The following DMD variants were observed in gnomAD, a reference collection of about 807,000 sequenced individuals.
The protein encoded by DMD is dystrophin.
DMD carries 63 observed loss-of-function variants against 330.1 expected under a neutral mutation model. The ratio of observed to expected loss-of-function variants is 0.19; its 90% CI spans 0.16 to 0.24. DMD has a LOEUF of 0.24. Ranked by LOEUF, DMD falls within the 10% of genes least tolerant of loss-of-function variation. DMD has a pLI of 1.00. For synonymous variants in DMD, 1,223 were observed against 959.8 expected (o/e 1.27, Z -5.07); for missense variants, 3,344 against 2,684.1 (o/e 1.25, Z -5.43).
At chrX:32,856,813 C>T (rs981143255) in intron 2 of DMD, among the ~76,000 whole-genome samples, 5 of 111,782 alleles carry the variant, frequency 4.5e-5, no homozygotes, top group South Asian at 3.8e-4. Context: ...CGGTGGCTCA[C>T]GCCTGTAATC....
At chrX:31,331,554 A>G (rs1307385105) in intron 61 of DMD, among the ~76,000 whole-genome samples, 1 of 112,212 alleles carries the variant, frequency 8.9e-6, no homozygotes, top group Admixed American at 9.5e-5. Flanking sequence ...ATATAGGAAG[A>G]TAGATACCTA....
chrX:32,404,925 A>C (rs2098108995), intron 30 of DMD, among the ~76,000 whole-genome samples: 1 of 111,658 alleles, frequency 9.0e-6, no homozygotes, highest in South Asian at 3.7e-4. Context: ...GATAGCTCTC[A>C]GCTATATTTT....
At chrX:31,940,136 C>A (rs1420374685) in intron 45 of DMD, among the ~76,000 whole-genome samples, 1 of 111,010 alleles carries the variant, frequency 9.0e-6, no homozygotes, top group South Asian at 3.8e-4. Context: ...GATTGTGATA[C>A]AGTAAGTGTT....
At chrX:32,009,079 C>A (rs145192482) in intron 44 of DMD, among the ~76,000 whole-genome samples, 1 of 111,002 alleles carries the variant, frequency 9.0e-6, no homozygotes, top group East Asian at 2.8e-4. Context: ...GGGAAGGAAG[C>A]TAATCCTATA....
At chrX:32,679,988 C>A (rs2062278943) in intron 9 of DMD, among the ~76,000 whole-genome samples, 1 of 90,816 alleles carries the variant, frequency 1.1e-5, no homozygotes, top group East Asian at 3.8e-4. Context: ...GATCTCGGCT[C>A]ACTGCAACCT....
chrX:32,446,102 T>C (rs1360515199), intron 27 of DMD, among the ~76,000 whole-genome samples: 9 of 110,715 alleles, frequency 8.1e-5, no homozygotes, highest in African/African-American at 2.9e-4. Flanking sequence ...AAGAAAGTTT[T>C]CCCTTAGGAA....
At chrX:32,099,170 C>T (rs1358672032) in intron 44 of DMD, among the ~76,000 whole-genome samples, 1 of 111,706 alleles carries the variant, frequency 9.0e-6, no homozygotes, top group Admixed American at 9.5e-5. Context: ...TGTTTCCTGA[C>T]TTTTTAATGA....
At chrX:32,717,738 T>C (rs866980684) in intron 7 of DMD, among the ~76,000 whole-genome samples, 21 of 111,042 alleles carry the variant, frequency 1.9e-4, no homozygotes, top group South Asian at 7.7e-4. Context: ...TGCCAGCCCA[T>C]GAAAACAACT....
chrX:31,943,755 T>C (rs1279695963), intron 45 of DMD, among the ~76,000 whole-genome samples: 1 of 110,927 alleles, frequency 9.0e-6, no homozygotes, highest in Admixed American at 9.7e-5. Flanking sequence ...TATTTTGAAT[T>C]CCTCGTGGTA....
At chrX:33,043,550 C>G (rs1442027637) in intron 1 of DMD, among the ~76,000 whole-genome samples, 1 of 111,118 alleles carries the variant, frequency 9.0e-6, no homozygotes, top group East Asian at 2.8e-4. Context: ...AAAACACACA[C>G]ACATATGCAT....
chrX:32,803,350 TTC>T (rs1347114283), intron 7 of DMD, among the ~76,000 whole-genome samples: 3 of 111,500 alleles, frequency 2.7e-5, no homozygotes, highest in Non-Finnish European at 3.8e-5. Context: ...TATTTGATTC[TTC>T]TCTCTTTTCT....
intron 1 of DMD, among the ~76,000 whole-genome samples, chrX:33,048,219 C>T (rs1169773297): frequency 1.8e-5 from 2 of 111,511 alleles, no homozygotes; most frequent in Non-Finnish European, 3.8e-5. Flanking sequence ...TTCAGGCAAA[C>T]GGAAACTGCA....
At chrX:31,650,543 T>C (rs1474965024) in intron 54 of DMD, among the ~76,000 whole-genome samples, 1 of 111,496 alleles carries the variant, frequency 9.0e-6, no homozygotes, top group Non-Finnish European at 1.9e-5. Context: ...CTGAGGATCA[T>C]AAAACAGTCC....
intron 54 of DMD, among the ~76,000 whole-genome samples, chrX:31,628,630 C>G (rs1190759908): frequency 1.8e-5 from 2 of 110,457 alleles, no homozygotes; most frequent in Non-Finnish European, 3.8e-5. Context: ...AAAAACTAGG[C>G]AGATCTGAGT....
intron 17 of DMD, among the ~76,000 whole-genome samples, chrX:32,531,947 G>A (rs1306790957): frequency 9.1e-6 from 1 of 110,459 alleles, no homozygotes; most frequent in Non-Finnish European, 1.9e-5. Context: ...TACCCTAATG[G>A]CAATATAAAA....
At chrX:32,584,081 T>A (rs188740336) in intron 13 of DMD, among the ~76,000 whole-genome samples, 2 of 111,151 alleles carry the variant, frequency 1.8e-5, no homozygotes, top group East Asian at 2.8e-4. Context: ...ATATATATAT[T>A]TTAAACTAAA....
rs143746040 is a variant in DMD, at chrX:32,250,340, A to G, written c.6291-33277T>C. On this transcript the variant is annotated intron_variant, in intron 43 of 78. Transcript: ENST00000357033. ...TTCACTTAATGTCGACTTTGGAAACACATAATAAAAATGGTAAATGTGGAT... is the reference window on the plus strand; with the variant it reads ...TTCACTTAATGTCGACTTTGGAAACGCATAATAAAAATGGTAAATGTGGAT... Among the ~76,000 whole-genome samples the G allele has an allele frequency of 9.5e-3, 1,063 of 111,985 alleles. 15 individuals carry two copies. The highest frequency in any genetic ancestry group is 0.033 in the African/African-American group (1,010 of 30,849).
At chrX:31,763,809 C>T (rs2089801439) in intron 51 of DMD, among the ~76,000 whole-genome samples, 2 of 111,776 alleles carry the variant, frequency 1.8e-5, no homozygotes, top group African/African-American at 6.5e-5. Flanking sequence ...ATGGTCCTCA[C>T]CTACAAAGTT....
intron 7 of DMD, among the ~76,000 whole-genome samples, chrX:32,777,766 G>A (rs943247687): frequency 8.9e-6 from 1 of 112,219 alleles, no homozygotes; most frequent in Admixed American, 9.4e-5. Flanking sequence ...AACTGTTTTT[G>A]CATACTTAAG....
Sources: gnomAD v4.1 joint callset for allele counts (sites outside exome capture counted in the v4.1 genomes callset) on GRCh38, gnomAD v4.1.1 for gene constraint, MANE v1.5 for transcripts, NCBI Gene and HGNC (gene_info 2026-07-23, HGNC 2026-07-21) for gene names.